Variants in SORCS1 observed in about 807,000 individuals in gnomAD.
SORCS1 encodes the protein VPS10 domain-containing receptor SorCS1.
A neutral mutation model predicts 146.1 loss-of-function variants in SORCS1; 60 were observed. That is an observed-to-expected ratio of 0.41 (90% confidence interval 0.33 to 0.51). SORCS1 has a LOEUF of 0.51. Among genes scored for constraint, SORCS1 ranks in the 20% least tolerant of loss-of-function variants. The pLI is 0.21. For synonymous variants in SORCS1, 637 were observed against 584.0 expected (o/e 1.09, Z -1.31); for missense variants, 1,352 against 1,487.6 (o/e 0.91, Z 1.50).
At chr10:106,745,499 C>T (rs1857665156) in intron 5 of SORCS1, among the ~76,000 whole-genome samples, 1 of 151,998 alleles carries the variant, frequency 6.6e-6, no homozygotes. Context: ...CATTAGCACA[C>T]TACAGTAATA....
At chr10:106,958,643 A>G (rs918229257) in intron 1 of SORCS1, among the ~76,000 whole-genome samples, 3 of 128,558 alleles carry the variant, frequency 2.3e-5, no homozygotes, top group Non-Finnish European at 5.6e-5. Context: ...CCTAAACTAC[A>G]GCACAGCTTC....
At chr10:106,957,200 G>A (rs1023581560) in intron 1 of SORCS1, among the ~76,000 whole-genome samples, 12 of 134,320 alleles carry the variant, frequency 8.9e-5, no homozygotes, top group East Asian at 2.2e-4. Context: ...ATAGAGTTTC[G>A]CTCGCTCGTG....
intron 3 of SORCS1, among the ~76,000 whole-genome samples, chr10:106,804,879 C>T (rs1356761411): frequency 1.3e-5 from 2 of 152,078 alleles, no homozygotes; most frequent in Non-Finnish European, 2.9e-5. Context: ...GATATAAGCG[C>T]ACTAAGAAAA....
At chr10:106,907,169 T>C (rs1206525580) in intron 2 of SORCS1, among the ~76,000 whole-genome samples, 1 of 152,216 alleles carries the variant, frequency 6.6e-6, no homozygotes, top group African/African-American at 2.4e-5. Flanking sequence ...TTTCTTATTA[T>C]TTCCTAGCAG....
In SORCS1 at chr10:106,926,860, CACACACAGAGAG is replaced by C. The variant is rs1266482894; in HGVS notation, c.626+29641_626+29652del. 2.2e-4 allele frequency among the ~76,000 whole-genome samples: 20 copies of C among 90,280 alleles called. No individual in the cohort carries two copies. The South Asian group carries it at 4.2e-3, about 19-fold the overall frequency. 59.2% of individuals were successfully genotyped at this position (90,280 alleles called of 152,430 possible). On this transcript the variant is annotated intron_variant, in intron 2 of 25. Coordinates refer to ENST00000263054, the MANE Select transcript of SORCS1 (RefSeq NM_052918.5). ...ACACACACACACACACACACACACA[CACACACAGAGAG>C]AGAGAGAGAGAGAGAGAGAGAGAGA... is the stretch of plus-strand genomic sequence containing the variant.
At chr10:106,588,009 TACAG>T (rs1336424668) in intron 24 of SORCS1, among the ~76,000 whole-genome samples, 8 of 152,364 alleles carry the variant, frequency 5.3e-5, no homozygotes. Flanking sequence ...CTGAAATATG[TACAG>T]ACATATAGTG....
At chr10:107,038,339 G>C (rs1236741220) in intron 1 of SORCS1, among the ~76,000 whole-genome samples, 2 of 136,734 alleles carry the variant, frequency 1.5e-5, no homozygotes, top group African/African-American at 2.7e-5. Context: ...AAGCAAGCAA[G>C]CACTTAGCCA....
chr10:107,175,674 G>A, the SORCS1 span, among the ~76,000 whole-genome samples: 1 of 152,110 alleles, frequency 6.6e-6, no homozygotes, highest in African/African-American at 2.4e-5. Flanking sequence ...GATCTCAAGT[G>A]ATACTCCCAC....
intron 2 of SORCS1, among the ~76,000 whole-genome samples, chr10:106,865,952 GA>G (rs1950208301): frequency 6.6e-6 from 1 of 150,662 alleles, no homozygotes. Context: ...AGAATCACTT[GA>G]ACCTGGGAGG....
At chr10:106,726,484 G>C (rs907398477) in intron 6 of SORCS1, among the ~76,000 whole-genome samples, 1 of 151,898 alleles carries the variant, frequency 6.6e-6, no homozygotes, top group Admixed American at 6.6e-5. Context: ...TGCCTTCAGG[G>C]AGCACAGGAA....
chr10:106,818,036 A>C (rs1233275989), intron 3 of SORCS1, among the ~76,000 whole-genome samples: 2 of 152,226 alleles, frequency 1.3e-5, no homozygotes, highest in Non-Finnish European at 2.9e-5. Context: ...TAAACTCCGT[A>C]AGAGCAAAGC....
chr10:107,071,093 G>T (rs1226555896), intron 1 of SORCS1, among the ~76,000 whole-genome samples: 1 of 152,166 alleles, frequency 6.6e-6, no homozygotes, highest in Non-Finnish European at 1.5e-5. Context: ...GTGACCGGCA[G>T]GAGTCAGAGT....
At chr10:106,964,298 ATTTTTAATTAATTAT>A (rs1406416391) in intron 1 of SORCS1, among the ~76,000 whole-genome samples, 1 of 151,380 alleles carries the variant, frequency 6.6e-6, no homozygotes, top group African/African-American at 2.5e-5. Context: ...CCAGATTTTG[ATTTTTAATTAATTAT>A]TTTTTTTATA....
intron 2 of SORCS1, among the ~76,000 whole-genome samples, chr10:106,897,918 A>G (rs1435196043): frequency 2.6e-5 from 4 of 152,124 alleles, no homozygotes; most frequent in African/African-American, 9.7e-5. Context: ...TAAGGTTCCT[A>G]TTTTTCAGTC....
At chr10:106,885,040 G>T (rs567050142) in intron 2 of SORCS1, among the ~76,000 whole-genome samples, 21 of 152,216 alleles carry the variant, frequency 1.4e-4, no homozygotes, top group African/African-American at 5.1e-4. Context: ...TAAAATCATG[G>T]ATCCCTTGTT....
At chr10:107,151,127 G>T (rs915772790) in intron 1 of SORCS1, among the ~76,000 whole-genome samples, 1 of 152,114 alleles carries the variant, frequency 6.6e-6, no homozygotes, top group African/African-American at 2.4e-5. Context: ...AACTTCTAGA[G>T]AATTGGAAGG....
At chr10:106,954,088 A>C (rs1954825013) in intron 2 of SORCS1, among the ~76,000 whole-genome samples, 1 of 152,166 alleles carries the variant, frequency 6.6e-6, no homozygotes, top group Non-Finnish European at 1.5e-5. Context: ...TCATGGAGAG[A>C]AAAGCATACT....
chr10:107,038,760 ACT>A (rs1959030790), intron 1 of SORCS1, among the ~76,000 whole-genome samples: 2 of 151,976 alleles, frequency 1.3e-5, no homozygotes, highest in Non-Finnish European at 2.9e-5. Context: ...TCAATATTAT[ACT>A]CTGTCTTTTA....
intron 2 of SORCS1, among the ~76,000 whole-genome samples, chr10:106,843,580 T>C (rs1056724552): frequency 2.0e-5 from 3 of 152,038 alleles, no homozygotes; most frequent in East Asian, 1.9e-4. Context: ...TACAGGCATC[T>C]GCCACCACGC....
Sources: gnomAD v4.1 joint callset for allele counts (sites outside exome capture counted in the v4.1 genomes callset) on GRCh38, gnomAD v4.1.1 for gene constraint, MANE v1.5 for transcripts, NCBI Gene and HGNC (gene_info 2026-07-23, HGNC 2026-07-21) for gene names.